CNTN6: variants seen among roughly 807,000 people sequenced by gnomAD.
The protein encoded by CNTN6 is contactin 6, also known as contactin-6.
Under a neutral mutation model 122.8 loss-of-function variants are expected in CNTN6, and 137 were observed. The ratio of observed to expected loss-of-function variants is 1.12; its 90% CI spans 0.97 to 1.29. The LOEUF is 1.29. CNTN6 is among the 50% of genes most tolerant of loss of function. The pLI is 0.00. For missense variants in CNTN6, 1,634 were observed against 1,223.4 expected, an observed-to-expected ratio of 1.34 and a Z score of -5.01; for synonymous variants, 570 against 426.0, an observed-to-expected ratio of 1.34 and a Z score of -4.16.
At chr3:1,217,476 C>T (rs1033627306) in intron 2 of CNTN6, among the ~76,000 whole-genome samples, 1 of 152,062 alleles carries the variant, frequency 6.6e-6, no homozygotes, top group Non-Finnish European at 1.5e-5. Context: ...CACCCTCCTA[C>T]AAACAAAAAT....
chr3:1,159,936 T>G (rs1455100129), intron 2 of CNTN6, among the ~76,000 whole-genome samples: 1 of 152,018 alleles, frequency 6.6e-6, no homozygotes, highest in African/African-American at 2.4e-5. Flanking sequence ...TTCTCCTGCC[T>G]CAGCCTCCTG....
intron 5 of CNTN6, among the ~76,000 whole-genome samples, chr3:1,291,030 TG>T (rs1695231921): frequency 6.6e-6 from 1 of 152,192 alleles, no homozygotes; most frequent in African/African-American, 2.4e-5. Context: ...GTATTCAAGA[TG>T]GAGTTGCTCT....
chr3:1,323,666 A>G (rs2125980905), intron 8 of CNTN6, among the ~76,000 whole-genome samples: 1 of 151,918 alleles, frequency 6.6e-6, no homozygotes, highest in East Asian at 2.0e-4. Flanking sequence ...TAATCTCTAA[A>G]AGAAATCTCT....
In CNTN6 at chr3:1,245,225, TATATATATATACAC is replaced by T. The variant is rs1559595436; in HGVS notation, c.358+17234_358+17247del. ...ATATATATATATATATATATATATA[TATATATATATACAC>T]ACACACATATATATATAACATATAT... On this transcript the variant is annotated intron_variant, in intron 4 of 22. Transcript: ENST00000446702. Among the ~76,000 whole-genome samples, 7 of 17,256 alleles carry T rather than the reference TATATATATATACAC, an allele frequency of 4.1e-4. 2 individuals carry two copies. The highest frequency in any genetic ancestry group is 1.5e-3 in the African/African-American group (5 of 3,412). The allele number at this position is 17,256 out of a possible 152,430, so 11.3% of individuals were successfully genotyped here.
At chr3:1,162,437 C>T (rs893942271) in intron 2 of CNTN6, among the ~76,000 whole-genome samples, 6 of 152,156 alleles carry the variant, frequency 3.9e-5, no homozygotes, top group Non-Finnish European at 7.3e-5. Context: ...AAAAGTCTTA[C>T]AGAGAATCAC....
chr3:1,348,589 T>C (rs569691971), intron 11 of CNTN6, among the ~76,000 whole-genome samples: 1 of 152,068 alleles, frequency 6.6e-6, no homozygotes, highest in African/African-American at 2.4e-5. Flanking sequence ...TACATACATA[T>C]ATACACACAT....
chr3:1,367,846 G>C (rs1256880376), intron 12 of CNTN6, among the ~76,000 whole-genome samples: 2 of 152,148 alleles, frequency 1.3e-5, no homozygotes, highest in African/African-American at 4.8e-5. Context: ...GGCAGCAAAG[G>C]CTGCAGGAAG....
chr3:1,393,605 T>G (rs1256672861), intron 20 of CNTN6, among the ~76,000 whole-genome samples: 1 of 147,812 alleles, frequency 6.8e-6, no homozygotes, highest in Non-Finnish European at 1.5e-5. Context: ...AGTTTCTATC[T>G]CAAGCAAAAT....
At chr3:1,348,155 G>GAGAAAAAAAAAAAA (rs1457391939) in intron 11 of CNTN6, among the ~76,000 whole-genome samples, 1 of 21,980 alleles carries the variant, frequency 4.5e-5, no homozygotes, top group African/African-American at 4.1e-4. Context: ...CTATGCTATA[G>GAGAAAAAAAAAAAA]ACAAAAAAAA....
intron 12 of CNTN6, among the ~76,000 whole-genome samples, chr3:1,353,043 A>T (rs1705913525): frequency 6.6e-6 from 1 of 151,798 alleles, no homozygotes; most frequent in Non-Finnish European, 1.5e-5. Flanking sequence ...TAAGATTTCT[A>T]AATCAGTATC....
intron 4 of CNTN6, among the ~76,000 whole-genome samples, chr3:1,270,623 A>G (rs988496308): frequency 6.6e-6 from 1 of 152,214 alleles, no homozygotes; most frequent in African/African-American, 2.4e-5. Context: ...TTACTCCAGA[A>G]CCAGCTTTCA....
At chr3:1,397,630 A>G (rs1232644056) in intron 20 of CNTN6, among the ~76,000 whole-genome samples, 1 of 152,130 alleles carries the variant, frequency 6.6e-6, no homozygotes, top group African/African-American at 2.4e-5. Flanking sequence ...AGCAGAAAAG[A>G]AAAGTGAAAC....
chr3:1,314,751 G>A lies in CNTN6; in HGVS notation c.762-6899G>A, dbSNP rs374853560. Reference sequence around the variant, plus strand: ...ATGGCAATGCGTATTCCAGAAGCACGAAACCACAGCAGAGGAAAAGAAAAA... The same window carrying A: ...ATGGCAATGCGTATTCCAGAAGCACAAAACCACAGCAGAGGAAAAGAAAAA... On this transcript the variant is annotated intron_variant, in intron 7 of 22. Coordinates refer to ENST00000446702, the MANE Select transcript of CNTN6 (RefSeq NM_001289080.2). 6.0e-5 allele frequency among the ~76,000 whole-genome samples: 9 copies of A among 150,240 alleles called. No individual in the cohort carries two copies. In the East Asian group the frequency reaches 9.7e-4, roughly 16 times the overall value.
intron 20 of CNTN6, among the ~76,000 whole-genome samples, chr3:1,393,894 A>G (rs572001308): frequency 1.2e-4 from 19 of 152,328 alleles, no homozygotes; most frequent in Non-Finnish European, 2.4e-4. Flanking sequence ...ACATATATAT[A>G]TTCACATCTC....
At chr3:1,104,559 T>G (rs2091124596) in intron 1 of CNTN6, among the ~76,000 whole-genome samples, 1 of 152,148 alleles carries the variant, frequency 6.6e-6, no homozygotes, top group South Asian at 2.1e-4. Context: ...TTGAATAACC[T>G]TGGTAAATTA....
At chr3:1,300,658 C>A (rs893248001) in intron 7 of CNTN6, among the ~76,000 whole-genome samples, 1 of 152,016 alleles carries the variant, frequency 6.6e-6, no homozygotes, top group African/African-American at 2.4e-5. Flanking sequence ...AGTCTTTGAA[C>A]TGCTCACATA....
At chr3:1,362,261 G>A (rs1031816509) in intron 12 of CNTN6, among the ~76,000 whole-genome samples, 3 of 151,870 alleles carry the variant, frequency 2.0e-5, no homozygotes, top group Non-Finnish European at 2.9e-5. Flanking sequence ...GATCCACAAC[G>A]TCTAGCATTC....
chr3:1,097,245 T>C (rs538487377), intron 1 of CNTN6, among the ~76,000 whole-genome samples: 17 of 152,218 alleles, frequency 1.1e-4, no homozygotes, highest in Non-Finnish European at 2.1e-4. Context: ...TACTTAACTA[T>C]TTTGCAATGA....
chr3:1,098,410 CT>C (rs201980461), intron 1 of CNTN6, among the ~76,000 whole-genome samples: 3 of 151,628 alleles, frequency 2.0e-5, no homozygotes, highest in African/African-American at 4.8e-5. Context: ...TGTTGTTGTT[CT>C]TTTTTTATGA....
Sources: gnomAD v4.1 joint callset for allele counts (sites outside exome capture counted in the v4.1 genomes callset) on GRCh38, gnomAD v4.1.1 for gene constraint, MANE v1.5 for transcripts, NCBI Gene and HGNC (gene_info 2026-07-23, HGNC 2026-07-21) for gene names.